Variants in CSTPP1 observed in about 807,000 individuals in gnomAD.
The protein encoded by CSTPP1 is UPF0705 protein C11orf49.
chr11:46,982,847 G>A, the CSTPP1 span, among the ~76,000 whole-genome samples: 1 of 152,274 alleles, frequency 6.6e-6, no homozygotes, highest in East Asian at 1.9e-4. Flanking sequence ...TATGTGCCAA[G>A]CACTATTCTA....
At chr11:46,966,358 A>C in the CSTPP1 span, among the ~76,000 whole-genome samples, 1 of 152,162 alleles carries the variant, frequency 6.6e-6, no homozygotes, top group African/African-American at 2.4e-5. Context: ...GTCTTTAAGA[A>C]TCGAGAAGCT....
At chr11:47,029,696 A>G in the CSTPP1 span, among the ~76,000 whole-genome samples, 4 of 152,110 alleles carry the variant, frequency 2.6e-5, no homozygotes, top group South Asian at 6.2e-4. Flanking sequence ...GTGGAGGCCA[A>G]TTCATATGCT....
At chr11:47,100,587 T>C in the CSTPP1 span, among the ~76,000 whole-genome samples, 1 of 152,186 alleles carries the variant, frequency 6.6e-6, no homozygotes, top group South Asian at 2.1e-4. Flanking sequence ...GACCAGGAGT[T>C]CAAGACCAGC....
chr11:46,995,177 A>G, the CSTPP1 span, among the ~76,000 whole-genome samples: 1 of 151,580 alleles, frequency 6.6e-6, no homozygotes, highest in Non-Finnish European at 1.5e-5. Flanking sequence ...TTTCTTCTTT[A>G]TTAGTCTTGC....
chr11:47,100,107 T>C, the CSTPP1 span, among the ~76,000 whole-genome samples: 2,193 of 152,362 alleles, frequency 0.014, 55 homozygotes, highest in African/African-American at 0.049. Context: ...TTCTATAACA[T>C]GAGTCACCTT....
chr11:47,160,418 T>C, the CSTPP1 span: 1 of 151,928 alleles, frequency 6.6e-6, no homozygotes, highest in Non-Finnish European at 1.5e-5. Context: ...CTCACCTGCA[T>C]CTCCAGCGTA....
At chr11:47,037,395 T>TTA in the CSTPP1 span, among the ~76,000 whole-genome samples, 78 of 96,582 alleles carry the variant, frequency 8.1e-4, 16 homozygotes, top group Middle Eastern at 5.2e-3. Flanking sequence ...TATTATTATT[T>TTA]TTTTTTTTTA....
the CSTPP1 span, among the ~76,000 whole-genome samples, chr11:47,076,989 G>A: frequency 6.7e-6 from 1 of 149,926 alleles, no homozygotes; most frequent in East Asian, 2.0e-4. Flanking sequence ...GAAAACTGAA[G>A]GCCCAGTCCA....
At chr11:47,007,376 C>A in the CSTPP1 span, among the ~76,000 whole-genome samples, 4 of 152,226 alleles carry the variant, frequency 2.6e-5, no homozygotes, top group Admixed American at 2.6e-4. Context: ...TTCTTCTGAT[C>A]TATTTTCCAG....
chr11:47,122,091 A>AAAAAAAAAAAAAAAAATATATAT, the CSTPP1 span, among the ~76,000 whole-genome samples: 1 of 31,834 alleles, frequency 3.1e-5, no homozygotes, highest in African/African-American at 9.7e-5. Context: ...AAAAAAAAAA[A>AAAAAAAAAAAAAAAAATATATAT]ATATATATAT....
the CSTPP1 span, among the ~76,000 whole-genome samples, chr11:47,046,757 C>T: frequency 2.1e-5 from 3 of 144,438 alleles, no homozygotes; most frequent in East Asian, 6.1e-4. Context: ...ACCTCCACCT[C>T]CCAGGTTCAA....
the CSTPP1 span, among the ~76,000 whole-genome samples, chr11:47,019,834 T>C: frequency 6.6e-6 from 1 of 152,130 alleles, no homozygotes; most frequent in African/African-American, 2.4e-5. Flanking sequence ...TGACACAGAA[T>C]TACCAAAATC....
At chr11:47,098,253 C>T in the CSTPP1 span, among the ~76,000 whole-genome samples, 8 of 141,402 alleles carry the variant, frequency 5.7e-5, no homozygotes, top group Middle Eastern at 3.5e-3. Flanking sequence ...CACTATTGTC[C>T]CATGACCCTG....
chr11:47,066,138 A>G, the CSTPP1 span, among the ~76,000 whole-genome samples: 1 of 131,232 alleles, frequency 7.6e-6, no homozygotes. Context: ...TTTTTCCTTA[A>G]TTGCTCTGGC....
the CSTPP1 span, among the ~76,000 whole-genome samples, chr11:47,022,368 T>C: frequency 8.0e-6 from 1 of 124,874 alleles, no homozygotes; most frequent in East Asian, 2.2e-4. Context: ...CTTTTTTTTT[T>C]TTTTTTTTTT....
At chr11:47,153,592 C>T in the CSTPP1 span, among the ~76,000 whole-genome samples, 2 of 152,146 alleles carry the variant, frequency 1.3e-5, no homozygotes, top group Non-Finnish European at 2.9e-5. Flanking sequence ...AGACTCTTCA[C>T]GTGTAGAATG....
chr11:47,029,833 C>A, the CSTPP1 span, among the ~76,000 whole-genome samples: 1 of 150,640 alleles, frequency 6.6e-6, no homozygotes, highest in Admixed American at 6.6e-5. Flanking sequence ...CACAGTGGCT[C>A]ACACCTATAA....
At chr11:46,979,904 ACT>A in the CSTPP1 span, among the ~76,000 whole-genome samples, 15 of 152,122 alleles carry the variant, frequency 9.9e-5, no homozygotes, top group Non-Finnish European at 1.8e-4. Flanking sequence ...CAACAGCGAG[ACT>A]CTGACTTAAA....
the CSTPP1 span, among the ~76,000 whole-genome samples, chr11:46,996,244 G>A: frequency 0.085 from 12,993 of 152,036 alleles, 1,853 homozygotes; most frequent in African/African-American, 0.3. Context: ...TTGCCAGTCT[G>A]TGTCTTTTAA....
Sources: gnomAD v4.1 joint callset for allele counts (sites outside exome capture counted in the v4.1 genomes callset) on GRCh38, gnomAD v4.1.1 for gene constraint, MANE v1.5 for transcripts, NCBI Gene and HGNC (gene_info 2026-07-23, HGNC 2026-07-21) for gene names.